SUCLG2: variants seen among roughly 807,000 people sequenced by gnomAD.
SUCLG2 encodes succinate--CoA ligase [GDP-forming] subunit beta, mitochondrial.
SUCLG2 carries 42 observed loss-of-function variants against 47.9 expected under a neutral mutation model. The ratio of observed to expected loss-of-function variants is 0.88; its 90% confidence interval spans 0.69 to 1.14. The LOEUF (loss-of-function observed/expected upper bound fraction) is 1.14, where lower values mean the gene tolerates loss of function less well. Ranked by LOEUF, SUCLG2 falls within the 50% of genes most tolerant of loss-of-function variation. The pLI is 0.00. For missense variants in SUCLG2, 571 were observed against 525.9 expected, an observed-to-expected ratio of 1.09 and a Z score of -0.84; for synonymous variants, 195 against 197.3, an observed-to-expected ratio of 0.99 and a Z score of 0.10.
rs376375890 is a variant in SUCLG2, at chr3:67,475,921, T to C, written c.1062+19877A>G. On this transcript the variant is annotated intron_variant, in intron 9 of 10. Coordinates refer to ENST00000307227, the MANE Select transcript of SUCLG2 (RefSeq NM_003848.4). ...AATACTGCCTGGAAGGATAACATCA[T>C]TGAAGTATGATATAGAAAGGCCAAT... 5.9e-5 allele frequency among the ~76,000 whole-genome samples: 9 copies of C among 152,076 alleles called. 1 individual carries two copies. Among genetic ancestry groups the C allele is most frequent in the African/African-American group, 1.7e-4 (7 of 41,512 alleles).
intron 1 of SUCLG2, among the ~76,000 whole-genome samples, chr3:67,647,425 A>G (rs1701211515): frequency 6.6e-6 from 1 of 152,194 alleles, no homozygotes; most frequent in South Asian, 2.1e-4. Context: ...AGGAAACTCC[A>G]TCCTCCAACA....
At chr3:67,465,104 T>G (rs1239548877) in intron 9 of SUCLG2, among the ~76,000 whole-genome samples, 1 of 152,206 alleles carries the variant, frequency 6.6e-6, no homozygotes, top group Non-Finnish European at 1.5e-5. Flanking sequence ...GTAATTCAAA[T>G]GGAGGCAATT....
In SUCLG2 at chr3:67,383,628, C is replaced by A. The variant is rs567337050; in HGVS notation, c.1184-7769G>T. 1.8e-4 allele frequency among the ~76,000 whole-genome samples: 27 copies of A among 152,224 alleles called. No individual in the cohort carries two copies. In the South Asian group the frequency reaches 5.2e-3, roughly 29 times the overall value. ...GTGGCAGGAAGCCAATGGCTAAGTT[C>A]TTCTCTACACGGTTTCAAAGAATGG... On this transcript the variant is annotated intron_variant, in intron 10 of 10. Coordinates refer to ENST00000307227, the MANE Select transcript of SUCLG2 (RefSeq NM_003848.4).
rs77695093 is a variant in SUCLG2 at position 67,612,469 on chromosome 3, A to G, written c.85-2873T>C. Among the ~76,000 whole-genome samples, 581 of 152,316 alleles carry G rather than the reference A, an allele frequency of 3.8e-3. 10 individuals are homozygous for G. In the East Asian group the frequency reaches 0.044, roughly 11 times the overall value. ...GAAATCTGCTATGCAAATGGATGGTAGAAAGTACGCTGGAAATGTAATATA... is the reference window on the plus strand; with the variant it reads ...GAAATCTGCTATGCAAATGGATGGTGGAAAGTACGCTGGAAATGTAATATA... On this transcript the variant is annotated intron_variant, in intron 1 of 10. Transcript: ENST00000307227.
chr3:67,401,907 T>C (rs1418446254), intron 9 of SUCLG2, among the ~76,000 whole-genome samples: 1 of 152,228 alleles, frequency 6.6e-6, no homozygotes, highest in Non-Finnish European at 1.5e-5. Context: ...GAAAGTGCCA[T>C]CACACAAATC....
chr3:67,565,914 T>G (rs886405906), intron 2 of SUCLG2, among the ~76,000 whole-genome samples: 2 of 152,244 alleles, frequency 1.3e-5, no homozygotes, highest in African/African-American at 4.8e-5. Context: ...ATTGGAAATG[T>G]TCTAAAAGTC....
At chr3:67,543,425 G>C (rs982794333) in intron 2 of SUCLG2, among the ~76,000 whole-genome samples, 11 of 152,154 alleles carry the variant, frequency 7.2e-5, no homozygotes, top group Non-Finnish European at 4.4e-5. Flanking sequence ...GGGTTGATTT[G>C]GGAGGCTGAG....
chr3:67,547,470 C>G (rs1022113927), intron 2 of SUCLG2, among the ~76,000 whole-genome samples: 14 of 152,200 alleles, frequency 9.2e-5, no homozygotes, highest in Non-Finnish European at 2.1e-4. Flanking sequence ...CTGAAATACT[C>G]TCCTTCGTCC....
chr3:67,382,044 G>T (rs1478986098), intron 10 of SUCLG2, among the ~76,000 whole-genome samples: 1 of 152,168 alleles, frequency 6.6e-6, no homozygotes, highest in South Asian at 2.1e-4. Context: ...TCATTTTCCA[G>T]TCTGGAAATA....
chr3:67,458,279 C>T lies in SUCLG2; in HGVS notation c.1062+37519G>A, dbSNP rs1031678076. ...GTGGTTTGCTATGCAGAAATAATAACCAAAACAGTGCTTTATAGACATTTG... is the reference window on the plus strand; with the variant it reads ...GTGGTTTGCTATGCAGAAATAATAATCAAAACAGTGCTTTATAGACATTTG... On this transcript the variant is annotated intron_variant, in intron 9 of 10. Coordinates refer to ENST00000307227, the MANE Select transcript of SUCLG2 (RefSeq NM_003848.4). 2.0e-5 allele frequency among the ~76,000 whole-genome samples: 3 copies of T among 152,080 alleles called. No homozygotes were observed. The East Asian group carries it at 5.8e-4, about 29-fold the overall frequency.
At chr3:67,565,156 GA>G (rs1707417671) in intron 2 of SUCLG2, among the ~76,000 whole-genome samples, 1 of 152,202 alleles carries the variant, frequency 6.6e-6, no homozygotes, top group South Asian at 2.1e-4. Context: ...ACTAGGTGCT[GA>G]GTATAAGGAA....
chr3:67,488,931 A>G (rs1195097813), intron 9 of SUCLG2, among the ~76,000 whole-genome samples: 2 of 152,190 alleles, frequency 1.3e-5, no homozygotes, highest in Non-Finnish European at 2.9e-5. Context: ...AAATCTGTTA[A>G]ATTATTCAAG....
intron 1 of SUCLG2, among the ~76,000 whole-genome samples, chr3:67,645,887 A>G (rs1701181675): frequency 6.6e-6 from 1 of 151,334 alleles, no homozygotes; most frequent in African/African-American, 2.4e-5. Flanking sequence ...ACAACAGGTA[A>G]GAGAGTACAA....
chr3:67,527,174 TAAA>T (rs1226860562), intron 4 of SUCLG2, among the ~76,000 whole-genome samples: 6 of 152,086 alleles, frequency 3.9e-5, no homozygotes, highest in Non-Finnish European at 1.5e-5. Flanking sequence ...CCCTGAAAAG[TAAA>T]AACAGGATGT....
At chr3:67,371,485 G>C (rs1379215150), downstream of SUCLG2, among the ~76,000 whole-genome samples, 1 of 152,164 alleles carries the variant, frequency 6.6e-6, no homozygotes, top group Non-Finnish European at 1.5e-5. Context: ...CATGGTTATA[G>C]ATGTTGGGAA....
intron 2 of SUCLG2, among the ~76,000 whole-genome samples, chr3:67,598,618 A>G (rs915376478): frequency 6.6e-6 from 1 of 152,192 alleles, no homozygotes; most frequent in Admixed American, 6.5e-5. Flanking sequence ...CCTCACAACT[A>G]TGTTGTAAGG....
intron 1 of SUCLG2, among the ~76,000 whole-genome samples, chr3:67,653,193 T>G (rs1206206023): frequency 6.6e-6 from 1 of 152,232 alleles, no homozygotes; most frequent in East Asian, 1.9e-4. Flanking sequence ...AATTCAAGTC[T>G]ACACTCATGG....
At chr3:67,565,372 G>A (rs1707425489) in intron 2 of SUCLG2, among the ~76,000 whole-genome samples, 3 of 152,022 alleles carry the variant, frequency 2.0e-5, no homozygotes. Context: ...AGGGTGCCTT[G>A]GAAATATCTA....
chr3:67,519,895 G>A (rs2107126322), intron 5 of SUCLG2, among the ~76,000 whole-genome samples: 1 of 152,270 alleles, frequency 6.6e-6, no homozygotes, highest in African/African-American at 2.4e-5. Flanking sequence ...GAGGTTTGGA[G>A]ACTTTGAGAA....
Sources: gnomAD v4.1 joint callset for allele counts (sites outside exome capture counted in the v4.1 genomes callset) on GRCh38, gnomAD v4.1.1 for gene constraint, MANE v1.5 for transcripts, NCBI Gene and HGNC (gene_info 2026-07-23, HGNC 2026-07-21) for gene names.